Variants in NIBAN2 observed in about 807,000 individuals in gnomAD.
The protein encoded by NIBAN2 is protein Niban 2.
In NIBAN2, 36 loss-of-function variants were observed where a neutral mutation model predicts 81.8. That is an observed-to-expected ratio of 0.44 (90% CI 0.34 to 0.58). The LOEUF (loss-of-function observed/expected upper bound fraction) is 0.58, where lower values mean the gene tolerates loss of function less well. Ranked by LOEUF, NIBAN2 falls within the 20% of genes least tolerant of loss-of-function variation. The pLI is 0.02. For missense variants in NIBAN2, 897 were observed against 1,014.1 expected (o/e 0.88, Z 1.57); for synonymous variants, 445 against 441.6 (o/e 1.01, Z -0.10).
intron 1 of NIBAN2, chr9:127,578,876 G>C (rs1838041252): frequency 6.3e-7 from 1 of 1,591,510 alleles, no homozygotes; most frequent in Non-Finnish European, 8.6e-7. Context: ...AAACAAAAAA[G>C]AACCCCGTGT....
rs539954141 is a variant in NIBAN2, at chr9:127,575,036, C to A, written c.16+3886G>T. ...AGAGGAATTGTTGTAAACACAGATA[C>A]GACCTTGCCATTCCCCCACTTCTAA... On this transcript the variant is annotated intron_variant, in intron 1 of 13. Transcript: ENST00000373314. Among the ~76,000 whole-genome samples the A allele has an allele frequency of 1.7e-4, 26 of 152,320 alleles. No individual in the cohort carries two copies. In the South Asian group the frequency reaches 5.2e-3, roughly 30 times the overall value.
At chr9:127,516,431 C>T (rs570015737) in intron 8 of NIBAN2, among the ~76,000 whole-genome samples, 2 of 152,274 alleles carry the variant, frequency 1.3e-5, no homozygotes, top group African/African-American at 4.8e-5. Flanking sequence ...TGCCTGTAGT[C>T]CCAGCTACTC....
At chr9:127,540,050 T>C (rs773520538) in intron 1 of NIBAN2, among the ~76,000 whole-genome samples, 7 of 152,214 alleles carry the variant, frequency 4.6e-5, no homozygotes, top group Non-Finnish European at 8.8e-5. Flanking sequence ...TCCTAAGAAG[T>C]GCCTCTTGTC....
chr9:127,565,987 C>T (rs1837853076), intron 1 of NIBAN2, among the ~76,000 whole-genome samples: 1 of 139,428 alleles, frequency 7.2e-6, no homozygotes. Context: ...CACAAATTAG[C>T]ACGGCATGGT....
intron 1 of NIBAN2, among the ~76,000 whole-genome samples, chr9:127,556,851 G>A (rs1033864642): frequency 3.3e-5 from 5 of 152,176 alleles, no homozygotes; most frequent in African/African-American, 1.2e-4. Flanking sequence ...CCAGGCAGGA[G>A]GATGGCTTAG....
chr9:127,573,165 A>AG (rs60987871), upstream of NIBAN2, among the ~76,000 whole-genome samples: 4,209 of 152,304 alleles, frequency 0.028, 79 homozygotes, highest in Middle Eastern at 0.048. Flanking sequence ...CGTGAGTGTG[A>AG]GCAAAAGGAA....
chr9:127,544,937 T>A (rs1837443564), intron 1 of NIBAN2, among the ~76,000 whole-genome samples: 1 of 152,144 alleles, frequency 6.6e-6, no homozygotes, highest in Non-Finnish European at 1.5e-5. Context: ...CCAAACTATC[T>A]TTTGGACAGA....
chr9:127,572,848 G>C (rs73607742), upstream of NIBAN2, among the ~76,000 whole-genome samples: 4,189 of 152,002 alleles, frequency 0.028, 78 homozygotes, highest in Middle Eastern at 0.048. Flanking sequence ...AGTTTGAGAC[G>C]AGCATGGGCA....
At position 127,510,340 on chromosome 9, in the gene NIBAN2, C is replaced by A; in HGVS notation, c.974-7G>T. On this transcript the variant is annotated splice_region_variant and splice_polypyrimidine_tract_variant and intron_variant, in intron 8 of 13. Coordinates refer to ENST00000373312, the MANE Select transcript of NIBAN2 (RefSeq NM_022833.4). ...GCCTTGGGGAGGATGAAGGCTGTGCCCCGAGGGAGCCGGGTCAGCAGGGGC... is the reference window on the plus strand; with the variant it reads ...GCCTTGGGGAGGATGAAGGCTGTGCACCGAGGGAGCCGGGTCAGCAGGGGC... 1 of 1,584,912 alleles carries A rather than the reference C, an allele frequency of 6.3e-7. No individual in the cohort carries two copies. The highest frequency in any genetic ancestry group is 8.6e-7 in the Non-Finnish European group (1 of 1,160,012).
chr9:127,512,984 C>T (rs773697095), intron 8 of NIBAN2, among the ~76,000 whole-genome samples: 3 of 151,984 alleles, frequency 2.0e-5, no homozygotes, highest in Non-Finnish European at 2.9e-5. Context: ...CCATAACAGA[C>T]GAATGGATAA....
At chr9:127,514,959 T>A (rs1206259952) in intron 8 of NIBAN2, among the ~76,000 whole-genome samples, 1 of 151,632 alleles carries the variant, frequency 6.6e-6, no homozygotes, top group Admixed American at 6.6e-5. Flanking sequence ...AGGCCAGGAG[T>A]TCGAGACCAG....
intron 3 of NIBAN2, among the ~76,000 whole-genome samples, chr9:127,526,143 T>C (rs1398443166): frequency 6.6e-6 from 1 of 151,922 alleles, no homozygotes; most frequent in Non-Finnish European, 1.5e-5. Context: ...GGCTCACGCC[T>C]GTAATCGCAG....
intron 8 of NIBAN2, among the ~76,000 whole-genome samples, chr9:127,512,479 G>T (rs947991642): frequency 1.3e-5 from 2 of 152,048 alleles, no homozygotes; most frequent in Non-Finnish European, 2.9e-5. Context: ...TAGAGACGGG[G>T]TTTCACCATG....
rs1416970726 is a variant in NIBAN2 at position 127,508,005 on chromosome 9, G to A, written c.1543-27C>T. 3.1e-6 allele frequency: 5 copies of A among 1,613,270 alleles called. No individual in the cohort carries two copies. The highest frequency in any genetic ancestry group is 1.3e-5 in the African/African-American group (1 of 75,030). ...TGCCCGGGTGGGGCGGCAGAGATGA[G>A]AGGTCAGGGCCAAGGGTAGAGGGAG... On this transcript the variant is annotated intron_variant, in intron 12 of 13. Transcript: ENST00000373312. The surrounding 1 kb of genome is among the most constrained non-coding windows in gnomAD (Gnocchi z 6.4).
intron 1 of NIBAN2, among the ~76,000 whole-genome samples, chr9:127,558,979 A>G (rs1837725077): frequency 6.6e-6 from 1 of 152,182 alleles, no homozygotes. Flanking sequence ...CAAGGAGGAG[A>G]GCTGTGTGCC....
chr9:127,510,971 C>G (rs190926876), intron 8 of NIBAN2, among the ~76,000 whole-genome samples: 2 of 152,262 alleles, frequency 1.3e-5, no homozygotes, highest in Admixed American at 1.3e-4. Flanking sequence ...TTGATCTCAT[C>G]ACCCAAGTAA....
intron 1 of NIBAN2, among the ~76,000 whole-genome samples, chr9:127,561,875 A>G (rs2249851): frequency 0.19 from 28,741 of 151,980 alleles, 3,265 homozygotes; most frequent in East Asian, 0.29. Context: ...ATCTGCCCGG[A>G]CTCCTTCCTT....
rs1836634392 is a variant in NIBAN2, at chr9:127,507,539, G to A, written c.1655-108C>T. ...GTCTCATCCCGCCTTGGGGGTCTGT[G>A]GTTGGGATGTGACTCATTCCAGGCC... is the stretch of plus-strand genomic sequence containing the variant. On this transcript the variant is annotated intron_variant, in intron 13 of 13. Transcript: ENST00000373312. This position sits in a 1 kb window ranked among gnomAD's most constrained non-coding sequence, Gnocchi z 6.8. 9.8e-7 allele frequency: 1 copy of A among 1,023,586 alleles called. No homozygotes were observed. The highest frequency in any genetic ancestry group is 2.6e-5 in the East Asian group (1 of 37,826). 63.4% of individuals were successfully genotyped at this position (1,023,586 alleles called of 1,614,324 possible). A position where few individuals can be genotyped will look rare whatever the true frequency, so the allele number is the denominator to read the frequency against.
chr9:127,506,916 A>C lies in NIBAN2; in HGVS notation c.2170T>G (p.Ser724Ala), dbSNP rs1173786135. Residue 724 changes from serine to alanine, a missense_variant, in exon 14 of 14, where the codon TCC becomes GCC. Ser to Ala is a moderately conservative substitution (Grantham distance 99). This residue lies in a region of NIBAN2 where 619 missense variants were observed against 691.0 expected (regional missense o/e 0.90). Coordinates refer to ENST00000373312, the MANE Select transcript of NIBAN2 (RefSeq NM_022833.4). ...PSDQETGEQV[S>A]SPSSHPALHT... ...AGGGCGGGGTGGCTGCTGGGGCTGG[A>C]CACCTGCTCTCCAGTCTCCTGGTCG... 4.3e-6 allele frequency: 7 copies of C among 1,612,056 alleles called. No individual in the cohort carries two copies. The South Asian group carries it at 7.7e-5, about 18-fold the overall frequency.
Sources: gnomAD v4.1 joint callset for allele counts (sites outside exome capture counted in the v4.1 genomes callset) on GRCh38, gnomAD v4.1.1 for gene constraint, gnomAD v4.1.1 regional missense constraint, Gnocchi (gnomAD v3.1) non-coding constraint, MANE v1.5 for transcripts, NCBI Gene and HGNC (gene_info 2026-07-23, HGNC 2026-07-21) for gene names.